The following SHANK2 variants were observed in gnomAD, a reference collection of about 807,000 sequenced individuals.
SHANK2 encodes SH3 and multiple ankyrin repeat domains 2, also known as SH3 and multiple ankyrin repeat domains protein 2.
SHANK2 carries 43 observed loss-of-function variants against 133.7 expected under a neutral mutation model. The ratio of observed to expected loss-of-function variants is 0.32; its 90% confidence interval spans 0.25 to 0.41. The LOEUF is 0.41. Among genes scored for constraint, SHANK2 ranks in the 10% least tolerant of loss-of-function variants. The pLI is 1.00. For missense variants in SHANK2, 1,994 were observed against 2,235.8 expected, an observed-to-expected ratio of 0.89 and a Z score of 2.18; for synonymous variants, 1,017 against 952.8, an observed-to-expected ratio of 1.07 and a Z score of -1.24.
intron 13 of SHANK2, among the ~76,000 whole-genome samples, chr11:70,805,546 G>A (rs1435232292): frequency 1.3e-5 from 2 of 152,344 alleles, no homozygotes; most frequent in East Asian, 3.9e-4. Context: ...TGGCCTCAGT[G>A]GGGAGGAGGG....
intron 17 of SHANK2, among the ~76,000 whole-genome samples, chr11:70,587,130 A>G (rs560306161): frequency 1.5e-4 from 23 of 152,288 alleles, no homozygotes; most frequent in African/African-American, 5.5e-4. Flanking sequence ...TCCCGACCAC[A>G]ACACTAGGGT....
intron 17 of SHANK2, among the ~76,000 whole-genome samples, chr11:70,520,913 T>G (rs1304875664): frequency 1.3e-5 from 2 of 152,208 alleles, no homozygotes; most frequent in African/African-American, 4.8e-5. Flanking sequence ...TTTTGTTTTT[T>G]GACCACTTCC....
intron 11 of SHANK2, among the ~76,000 whole-genome samples, chr11:70,850,260 A>T (rs1399218250): frequency 6.6e-6 from 1 of 152,162 alleles, no homozygotes; most frequent in African/African-American, 2.4e-5. Context: ...GCCAAACAAC[A>T]TGTCCAAGAT....
At chr11:70,938,079 T>C (rs1210992883) in intron 10 of SHANK2, among the ~76,000 whole-genome samples, 4 of 152,222 alleles carry the variant, frequency 2.6e-5, no homozygotes, top group African/African-American at 4.8e-5. Flanking sequence ...GGGCTCTTCA[T>C]AATTACAGCA....
At chr11:70,890,479 A>AAAAAAAAAC (rs1194467248) in intron 11 of SHANK2, among the ~76,000 whole-genome samples, 1 of 34,708 alleles carries the variant, frequency 2.9e-5, no homozygotes, top group African/African-American at 5.0e-5. Flanking sequence ...TCTCTACTAA[A>AAAAAAAAAC]AAAAAAAACA....
intron 2 of SHANK2, among the ~76,000 whole-genome samples, chr11:71,201,512 G>T (rs561987065): frequency 6.6e-6 from 1 of 152,364 alleles, no homozygotes; most frequent in South Asian, 2.1e-4. Flanking sequence ...ACAGACGGCG[G>T]TCACTGATGG....
intron 8 of SHANK2, among the ~76,000 whole-genome samples, chr11:71,086,278 A>ATTATATATG (rs1413679554): frequency 0.9 from 51,637 of 57,472 alleles, 23,254 homozygotes; most frequent in Middle Eastern, 0.93. Context: ...TATATGTTAT[A>ATTATATATG]TTATATATGT....
intron 10 of SHANK2, among the ~76,000 whole-genome samples, chr11:70,902,852 C>T (rs1950043235): frequency 6.6e-6 from 1 of 152,162 alleles, no homozygotes; most frequent in African/African-American, 2.4e-5. Context: ...GGGGCTCTGC[C>T]CTTGGCACTC....
intron 11 of SHANK2, among the ~76,000 whole-genome samples, chr11:70,827,593 A>T (rs2135384816): frequency 6.8e-6 from 1 of 147,394 alleles, no homozygotes; most frequent in East Asian, 2.0e-4. Context: ...CTGTTGCCGG[A>T]TGCCTCTGCT....
rs182846454 is a variant in SHANK2, at chr11:70,899,685, C to T, written c.1108-3118G>A. Among the ~76,000 whole-genome samples, 270 of 152,302 alleles carry T rather than the reference C, an allele frequency of 1.8e-3. 1 individual carries two copies. The highest frequency in any genetic ancestry group is 4.8e-3 in the South Asian group (23 of 4,820). On this transcript the variant is annotated intron_variant, in intron 10 of 25. Coordinates refer to ENST00000601538, the MANE Select transcript of SHANK2 (RefSeq NM_012309.5). ...CGACTTAGGTGATGTGGACCCATGC[C>T]CTGGTCTGCTCAGGCTGAGCCAGAC...
chr11:70,564,789 C>T (rs1194328947), intron 17 of SHANK2, among the ~76,000 whole-genome samples: 5 of 152,160 alleles, frequency 3.3e-5, no homozygotes, highest in African/African-American at 7.2e-5. Context: ...CCTGTGTATC[C>T]GTCATCTCAG....
intron 15 of SHANK2, among the ~76,000 whole-genome samples, chr11:70,662,889 G>T (rs1432510385): frequency 6.6e-6 from 1 of 152,106 alleles, no homozygotes. Flanking sequence ...GGTGGCCTGC[G>T]GGGGCAGAAG....
At chr11:70,911,208 T>C in intron 10 of SHANK2, 1 of 456,312 alleles carries the variant, frequency 2.2e-6, no homozygotes, top group South Asian at 1.5e-5. Context: ...ATGAGTTTTT[T>C]TGTTGTTGTT....
intron 17 of SHANK2, among the ~76,000 whole-genome samples, chr11:70,503,427 C>T (rs1319355298): frequency 6.6e-6 from 1 of 152,236 alleles, no homozygotes; most frequent in Non-Finnish European, 1.5e-5. Flanking sequence ...CACACTGAAG[C>T]AGCCCCTTTC....
intron 6 of SHANK2, among the ~76,000 whole-genome samples, chr11:71,108,252 C>T (rs1024997497): frequency 5.3e-5 from 8 of 152,202 alleles, no homozygotes; most frequent in East Asian, 1.9e-4. Context: ...GCCACATCAG[C>T]GCAGCACGAG....
chr11:71,074,704 G>T (rs1951195843), intron 9 of SHANK2, among the ~76,000 whole-genome samples: 1 of 151,894 alleles, frequency 6.6e-6, no homozygotes, highest in Admixed American at 6.6e-5. Flanking sequence ...GGGCTGACAA[G>T]CAGGCATTGG....
chr11:70,687,326 T>A (rs1945177743), intron 15 of SHANK2, among the ~76,000 whole-genome samples: 1 of 152,160 alleles, frequency 6.6e-6, no homozygotes, highest in Non-Finnish European at 1.5e-5. Context: ...TCAGCACACT[T>A]CATTACCCTG....
At chr11:71,210,435 G>C (rs1226634891) in intron 2 of SHANK2, among the ~76,000 whole-genome samples, 1 of 150,910 alleles carries the variant, frequency 6.6e-6, no homozygotes, top group African/African-American at 2.4e-5. Context: ...ATTTTTAGTA[G>C]AGACGGGGTT....
At chr11:70,594,911 G>T (rs1554989074) in intron 17 of SHANK2, among the ~76,000 whole-genome samples, 1 of 152,088 alleles carries the variant, frequency 6.6e-6, no homozygotes, top group South Asian at 2.1e-4. Context: ...CCCCATGTTC[G>T]TGGTTCATTT....
Sources: gnomAD v4.1 joint callset for allele counts (sites outside exome capture counted in the v4.1 genomes callset) on GRCh38, gnomAD v4.1.1 for gene constraint, MANE v1.5 for transcripts, NCBI Gene and HGNC (gene_info 2026-07-23, HGNC 2026-07-21) for gene names.